The following PCDHGB1 variants were observed in gnomAD, a reference collection of about 807,000 sequenced individuals.
The protein encoded by PCDHGB1 is protocadherin gamma subfamily B, 1.
Under a neutral mutation model 56.6 loss-of-function variants are expected in PCDHGB1, and 34 were observed. The ratio of observed to expected loss-of-function variants is 0.60; its 90% CI spans 0.46 to 0.80. PCDHGB1 has a LOEUF of 0.80. PCDHGB1 is among the 30% of genes least tolerant of loss of function. The pLI is 0.00. For synonymous variants in PCDHGB1, 561 were observed against 505.9 expected (o/e 1.11, Z -1.46); for missense variants, 1,278 against 1,204.6 (o/e 1.06, Z -0.90).
At chr5:141,424,610 ATAGAG>A (rs1374272828) in intron 1 of PCDHGB1, 2 of 152,216 alleles carry the variant, frequency 1.3e-5, no homozygotes, top group African/African-American at 4.8e-5. Flanking sequence ...ATTTATTCAA[ATAGAG>A]TAGTTTGTGA....
intron 1 of PCDHGB1, among the ~76,000 whole-genome samples, chr5:141,467,087 C>T (rs1159093881): frequency 3.4e-5 from 5 of 147,240 alleles, no homozygotes; most frequent in African/African-American, 1.3e-4. Context: ...AAGTCTCACT[C>T]TGTCACACAG....
At chr5:141,399,805 T>C (rs776266997) in intron 1 of PCDHGB1, 26 of 1,613,074 alleles carry the variant, frequency 1.6e-5, no homozygotes, top group Non-Finnish European at 8.5e-7. Flanking sequence ...GCGGGTGCTG[T>C]ACCCCGCGCT....
chr5:141,351,628 C>T lies in PCDHGB1; in HGVS notation c.1368C>T (p.His456=), dbSNP rs1481594120. 4.3e-6 allele frequency: 7 copies of T among 1,613,956 alleles called. No homozygotes were observed. In the Admixed American group the frequency reaches 1.0e-4, roughly 23 times the overall value. ...TCCATCAGGCCTCCTATGTGGTCCA[C>T]GTGTCTGAGAACAACCCACCTGGCG... ...PVFHQASYVV[H]VSENNPPGAS... is the part of the protein sequence containing the mutation. The change falls in exon 1 of 4, where the codon CAC becomes CAT. Residue 456 remains histidine, a synonymous_variant. Transcript: ENST00000523390.
chr5:141,393,984 C>G (rs1176875822), intron 1 of PCDHGB1: 1 of 1,613,570 alleles, frequency 6.2e-7, no homozygotes, highest in South Asian at 1.1e-5. Flanking sequence ...TGATAATTTA[C>G]CTTTTAAATT....
At chr5:141,466,348 G>A (rs2099120992) in intron 1 of PCDHGB1, among the ~76,000 whole-genome samples, 2 of 151,876 alleles carry the variant, frequency 1.3e-5, no homozygotes, top group Admixed American at 6.6e-5. Context: ...TTTTTTTGCA[G>A]CTAATCTAGA....
At chr5:141,377,620 ATT>A (rs1307213511) in intron 1 of PCDHGB1, 1 of 149,664 alleles carries the variant, frequency 6.7e-6, no homozygotes, top group Non-Finnish European at 1.5e-5. Context: ...AAAAAAAAAG[ATT>A]TTGTTTTTTC....
At chr5:141,403,574 C>T (rs1441332710) in intron 1 of PCDHGB1, 1 of 1,613,960 alleles carries the variant, frequency 6.2e-7, no homozygotes, top group Non-Finnish European at 8.5e-7. Context: ...GGCAACTGCC[C>T]ACCACCTGGT....
intron 1 of PCDHGB1, among the ~76,000 whole-genome samples, chr5:141,401,851 T>C (rs902809229): frequency 3.9e-5 from 6 of 152,242 alleles, no homozygotes; most frequent in African/African-American, 1.4e-4. Context: ...CACTTACTTT[T>C]AACCTTTCAG....
intron 1 of PCDHGB1, chr5:141,384,918 C>T: frequency 6.2e-7 from 1 of 1,613,954 alleles, no homozygotes; most frequent in South Asian, 1.1e-5. Context: ...AAGTCTTGGC[C>T]GACCTGGGCA....
rs945917670 is a variant in PCDHGB1, at chr5:141,377,790, T to G, written c.2409+25121T>G. On this transcript the variant is annotated intron_variant, in intron 1 of 3. Transcript: ENST00000523390. ...TGGTGTTAAAAGACCTGAATAACAT[T>G]CCTGTAACTATCTGTTATTTACTTG... 2.6e-5 allele frequency: 4 copies of G among 152,296 alleles called. No individual in the cohort carries two copies. The East Asian group carries it at 7.7e-4, about 29-fold the overall frequency. 9.4% of individuals were successfully genotyped at this position (152,296 alleles called of 1,614,324 possible).
chr5:141,433,304 C>T, intron 1 of PCDHGB1: 1 of 932,004 alleles, frequency 1.1e-6, no homozygotes, highest in Non-Finnish European at 1.6e-6. Context: ...AGCAATTATC[C>T]CACCTTTGCC....
Position 141,388,695 on chromosome 5 carries a change from G to A in PCDHGB1, c.2409+36026G>A, listed in dbSNP as rs2091456760. On this transcript the variant is annotated intron_variant, in intron 1 of 3. Coordinates refer to ENST00000523390, the MANE Select transcript of PCDHGB1 (RefSeq NM_018922.3). ...ACAGGTGACTGCCACGGACCAGGAT[G>A]AGGGTGTCAATGCCGAGATTACTTT... The A allele has an allele frequency of 3.7e-6, 6 of 1,614,018 alleles. No homozygotes were observed. Among genetic ancestry groups the A allele is most frequent in the Middle Eastern group, 1.6e-4 (1 of 6,062 alleles).
intron 1 of PCDHGB1, chr5:141,419,440 C>T (rs368129873): frequency 1.9e-6 from 3 of 1,613,034 alleles, no homozygotes; most frequent in African/African-American, 2.7e-5. Context: ...AGCTGCGCAC[C>T]TTCGAGCTCA....
chr5:141,383,377 C>G (rs527434740), intron 1 of PCDHGB1: 1 of 1,614,010 alleles, frequency 6.2e-7, no homozygotes, highest in African/African-American at 1.3e-5. Context: ...GGCTGGGGAT[C>G]CAGATGTGGG....
chr5:141,502,003 G>A (rs945565369), intron 2 of PCDHGB1, among the ~76,000 whole-genome samples: 17 of 151,966 alleles, frequency 1.1e-4, no homozygotes, highest in Admixed American at 1.1e-3. Flanking sequence ...CTGACAACCC[G>A]CATGCTCTCC....
intron 1 of PCDHGB1, chr5:141,378,290 C>G (rs544518611): frequency 6.6e-6 from 1 of 152,232 alleles, no homozygotes; most frequent in Non-Finnish European, 1.5e-5. Flanking sequence ...TTTGGGAGGC[C>G]AAGGCAGGCA....
At chr5:141,413,219 G>C in intron 1 of PCDHGB1, 1 of 1,613,506 alleles carries the variant, frequency 6.2e-7, no homozygotes, top group Non-Finnish European at 8.5e-7. Context: ...AAGGATTGCA[G>C]CGGGCTGGTC....
rs1688094877 is a variant in PCDHGB1 at position 141,432,625 on chromosome 5, C to T, written c.2410-62182C>T. 1.2e-6 allele frequency: 2 copies of T among 1,613,240 alleles called. No individual in the cohort carries two copies. The highest frequency in any genetic ancestry group is 1.7e-6 in the Non-Finnish European group (2 of 1,179,778). ...CGGGACTCTTCTCGGTGGGTCTGCA[C>T]ACGGGCGAGGTGCGCACGGCGCGAG... On this transcript the variant is annotated intron_variant, in intron 1 of 3. Coordinates refer to ENST00000523390, the MANE Select transcript of PCDHGB1 (RefSeq NM_018922.3). The surrounding 1 kb of genome is among the most constrained non-coding windows in gnomAD (Gnocchi z 6.0).
At chr5:141,355,761 T>C in intron 1 of PCDHGB1, 2 of 1,613,946 alleles carry the variant, frequency 1.2e-6, no homozygotes, top group Non-Finnish European at 1.7e-6. Context: ...GTGGGGCCGA[T>C]GGGATTAAGT....
Sources: gnomAD v4.1 joint callset for allele counts (sites outside exome capture counted in the v4.1 genomes callset) on GRCh38, gnomAD v4.1.1 for gene constraint, Gnocchi (gnomAD v3.1) non-coding constraint, MANE v1.5 for transcripts, NCBI Gene and HGNC (gene_info 2026-07-23, HGNC 2026-07-21) for gene names.